The following WDHD1 variants were observed in gnomAD, a reference collection of about 807,000 sequenced individuals.
WDHD1 encodes the protein WD repeat and HMG-box DNA binding protein 1, also known as WD repeat and HMG-box DNA-binding protein 1.
Under a neutral mutation model 135.4 loss-of-function variants are expected in WDHD1, and 111 were observed. The observed-to-expected ratio is 0.82, with a 90% CI of 0.70 to 0.96. The LOEUF (loss-of-function observed/expected upper bound fraction) is 0.96. WDHD1 is among the 40% of genes least tolerant of loss of function. WDHD1 has a pLI of 0.00. For synonymous variants in WDHD1, 434 were observed against 439.0 expected, an observed-to-expected ratio of 0.99 and a Z score of 0.14; for missense variants, 1,351 against 1,336.3, an observed-to-expected ratio of 1.01 and a Z score of -0.17.
Position 54,962,823 on chromosome 14 carries a change from T to A in WDHD1, c.2562A>T (p.Gln854His), listed in dbSNP as rs755991594. 2.9e-5 allele frequency: 46 copies of A among 1,612,954 alleles called. No individual in the cohort carries two copies. Among genetic ancestry groups the A allele is most frequent in the Non-Finnish European group, 3.6e-5 (43 of 1,180,022 alleles). Residue 854 changes from glutamine to histidine, a missense_variant, in exon 20 of 26, where the codon CAA (glutamine) becomes CAT (histidine). By Grantham distance (24) the Gln-to-His change is conservative (BLOSUM62 0). Coordinates refer to ENST00000360586, the MANE Select transcript of WDHD1 (RefSeq NM_007086.4). ...CTTCAACTTGATTTCTGAACCTTGG[T>A]TGGCTCCACTCTGTAGCAGTATTGC... ...GYSNTATEWS[Q>H]PRFRNQVEED...
At chr14:54,952,173 A>G (rs1003283371) in intron 24 of WDHD1, among the ~76,000 whole-genome samples, 1 of 152,232 alleles carries the variant, frequency 6.6e-6, no homozygotes, top group Non-Finnish European at 1.5e-5. Flanking sequence ...AATAAAGGGT[A>G]TTCAATTAGG....
In WDHD1 at chr14:55,010,625, C is replaced by T. The variant is rs185279331; in HGVS notation, c.190-165G>A. Among the ~76,000 whole-genome samples the T allele has an allele frequency of 3.4e-3, 523 of 152,306 alleles. 4 individuals are homozygous for T. The highest frequency in any genetic ancestry group is 0.012 in the African/African-American group (496 of 41,566). On this transcript the variant is annotated intron_variant, in intron 3 of 25. Coordinates refer to ENST00000360586, the MANE Select transcript of WDHD1 (RefSeq NM_007086.4). ...ACAACTTTGCTGGAATGTGCATTAG[C>T]AAGAAAAATTTGCTAGCTTTAGAAA...
chr14:54,946,406 A>G (rs1048193741), intron 24 of WDHD1, among the ~76,000 whole-genome samples: 1 of 152,234 alleles, frequency 6.6e-6, no homozygotes, highest in Admixed American at 6.5e-5. Context: ...ATTAGTTTCA[A>G]TAGTGGTAAT....
At chr14:54,948,398 G>C (rs942247103) in intron 24 of WDHD1, among the ~76,000 whole-genome samples, 1 of 152,206 alleles carries the variant, frequency 6.6e-6, no homozygotes, top group Non-Finnish European at 1.5e-5. Context: ...CACACCAGGA[G>C]ATTATATCCC....
chr14:55,024,838 A>C (rs370306787), intron 2 of WDHD1, among the ~76,000 whole-genome samples: 4,310 of 114,742 alleles, frequency 0.038, 253 homozygotes, highest in African/African-American at 0.11. Flanking sequence ...GGGACACAAA[A>C]ACTGCGGAAG....
At chr14:54,977,129 T>A (rs1175628858) in intron 16 of WDHD1, among the ~76,000 whole-genome samples, 1 of 152,058 alleles carries the variant, frequency 6.6e-6, no homozygotes, top group Non-Finnish European at 1.5e-5. Flanking sequence ...CTCTACCAAA[T>A]TACTTTAATC....
At chr14:54,971,030 T>C (rs1483240031) in intron 16 of WDHD1, among the ~76,000 whole-genome samples, 1 of 152,186 alleles carries the variant, frequency 6.6e-6, no homozygotes, top group Non-Finnish European at 1.5e-5. Flanking sequence ...GATAACTGGC[T>C]AACCACATGC....
At chr14:54,975,827 G>A (rs766965401) in intron 16 of WDHD1, among the ~76,000 whole-genome samples, 4 of 151,844 alleles carry the variant, frequency 2.6e-5, no homozygotes, top group East Asian at 1.9e-4. Context: ...GATGTGACAC[G>A]CTCTCAAATG....
chr14:54,968,289 C>T (rs949104029), intron 16 of WDHD1, among the ~76,000 whole-genome samples: 1 of 151,938 alleles, frequency 6.6e-6, no homozygotes, highest in Admixed American at 6.6e-5. Context: ...TGAAATTAAG[C>T]AGAAATTGAA....
At chr14:54,997,331 G>A (rs574327130) in intron 10 of WDHD1, among the ~76,000 whole-genome samples, 1 of 152,132 alleles carries the variant, frequency 6.6e-6, no homozygotes, top group East Asian at 1.9e-4. Context: ...CCTGACCTCA[G>A]GTGATAAACC....
chr14:54,989,114 G>A lies in WDHD1; in HGVS notation c.1440C>T (p.His480=). 6.2e-7 allele frequency: 1 copy of A among 1,613,850 alleles called. No individual in the cohort carries two copies. Among genetic ancestry groups the A allele is most frequent in the Non-Finnish European group, 8.5e-7 (1 of 1,179,852 alleles). ...FHDTSIHHAT[H]LSNTLNYTIA... ...TTGTATAATTCAAAGTGTTTGATAA[G>A]TGTGTTGCATGGTGTATGGAGGTAT... The change falls in exon 13 of 26, where the codon CAC becomes CAT. Residue 480 remains histidine, a synonymous_variant. Transcript: ENST00000360586.
At position 54,963,180 on chromosome 14, in the gene WDHD1, A is replaced by G. The variant is rs61977046; in HGVS notation, c.2311-8T>C. Reference sequence around the variant, plus strand: ...CTCCAGTTTACAAGAAAGCTAATCCAAAAAGGGGGGGGGGGGGGAGATCAA... The same window carrying G: ...CTCCAGTTTACAAGAAAGCTAATCCGAAAAGGGGGGGGGGGGGGAGATCAA... On this transcript the variant is annotated splice_polypyrimidine_tract_variant and splice_region_variant and intron_variant, in intron 18 of 25. Transcript: ENST00000360586. The G allele has an allele frequency of 7.8e-6, 2 of 257,146 alleles. No individual in the cohort carries two copies. The highest frequency in any genetic ancestry group is 4.1e-5 in the Admixed American group (1 of 24,436). 15.9% of individuals were successfully genotyped at this position (257,146 alleles called of 1,614,324 possible).
intron 10 of WDHD1, among the ~76,000 whole-genome samples, chr14:54,997,207 T>C (rs1042202511): frequency 6.6e-6 from 1 of 150,774 alleles, no homozygotes; most frequent in African/African-American, 2.4e-5. Flanking sequence ...GTGATTTTCC[T>C]GCCTCAGCTT....
At chr14:54,974,391 C>T (rs1287129959) in intron 16 of WDHD1, among the ~76,000 whole-genome samples, 1 of 151,190 alleles carries the variant, frequency 6.6e-6, no homozygotes, top group Non-Finnish European at 1.5e-5. Flanking sequence ...TGAGGTCACG[C>T]CACTGCACTC....
intron 20 of WDHD1, 22 bp from the exon 21 acceptor site, chr14:54,962,573 T>A (rs1378681941): frequency 6.3e-7 from 1 of 1,591,748 alleles, no homozygotes; most frequent in East Asian, 2.2e-5. Flanking sequence ...AATAAAGCAA[T>A]ATAATGTAAA....
intron 21 of WDHD1, among the ~76,000 whole-genome samples, chr14:54,961,321 T>C (rs575985139): frequency 6.6e-6 from 1 of 151,514 alleles, no homozygotes; most frequent in Admixed American, 6.6e-5. Flanking sequence ...CCATCTCTAT[T>C]AAAAAAAATA....
chr14:55,002,224 T>C (rs1297560885), intron 7 of WDHD1, 39 bp from the exon 8 acceptor site: 1 of 1,395,892 alleles, frequency 7.2e-7, no homozygotes, highest in African/African-American at 1.5e-5. Context: ...AAAGTTTACA[T>C]TAAATTGAAT....
chr14:55,009,911 C>G (rs1205983259), intron 4 of WDHD1, among the ~76,000 whole-genome samples: 1 of 152,116 alleles, frequency 6.6e-6, no homozygotes, highest in Non-Finnish European at 1.5e-5. Flanking sequence ...ACCTCTGCCT[C>G]CTAGGTTCAA....
chr14:54,984,785 T>C lies in WDHD1; in HGVS notation c.1844A>G (p.His615Arg). 1 of 1,613,992 alleles carries C rather than the reference T, an allele frequency of 6.2e-7. No individual in the cohort carries two copies. The highest frequency in any genetic ancestry group is 1.3e-5 in the African/African-American group (1 of 75,020). ...ELGKKKKQIL[H>R]GDPLPLTRKS... The stretch of plus-strand genomic sequence containing the variant: ...CCTTGTAAGAGGAAGAGGGTCACCA[T>C]GCAAAATTTGTTTTTTCTTTTTCCC... The change falls in exon 15 of 26, where the codon CAT (histidine) becomes CGT (arginine). Residue 615 changes from histidine (H) to arginine (R), a missense_variant. By Grantham distance (29) the His-to-Arg change is conservative (BLOSUM62 0). This residue lies in a region of WDHD1 where 1,330 missense variants were observed against 1,296.1 expected (regional missense o/e 1.03). Transcript: ENST00000360586.
Sources: gnomAD v4.1 joint callset for allele counts (sites outside exome capture counted in the v4.1 genomes callset) on GRCh38, gnomAD v4.1.1 for gene constraint, gnomAD v4.1.1 regional missense constraint, MANE v1.5 for transcripts, NCBI Gene and HGNC (gene_info 2026-07-23, HGNC 2026-07-21) for gene names.